The following PROCA1 variants were observed in gnomAD, a reference collection of about 807,000 sequenced individuals.
PROCA1 encodes the protein protein interacting with cyclin A1.
Under a neutral mutation model 23.2 loss-of-function variants are expected in PROCA1, and 22 were observed. The ratio of observed to expected loss-of-function variants is 0.95; its 90% confidence interval spans 0.68 to 1.35. PROCA1 has a LOEUF of 1.35. Among genes scored for constraint, PROCA1 ranks in the 40% most tolerant of loss-of-function variants. The probability of loss-of-function intolerance (pLI) is 0.00; values close to 1 mark genes in which losing one functional copy is unlikely to be tolerated. For synonymous variants in PROCA1, 182 were observed against 179.2 expected, an observed-to-expected ratio of 1.02 and a Z score of -0.12; for missense variants, 469 against 459.8, an observed-to-expected ratio of 1.02 and a Z score of -0.18.
intron 3 of PROCA1, 39 bp from the exon 4 acceptor site, chr17:28,704,474 C>G: frequency 6.3e-7 from 1 of 1,589,960 alleles, no homozygotes; most frequent in African/African-American, 1.3e-5. Context: ...TCCCATCACT[C>G]CCCCAGGGAC....
rs746518553 is a variant in PROCA1 at position 28,704,045 on chromosome 17, C to G, written c.608G>C (p.Ser203Thr). ...GGAGTCAGGGGTACCAGTGGCCATG[C>G]TGGTGCCTAGGTCAGGGGAGGCGGT... ...PATASPDLGT[S>T]MATGTPDSTA... Residue 203 changes from serine to threonine, a missense_variant, in exon 5 of 5, where the codon AGC becomes ACC. Physicochemically the swap from Ser to Thr is moderately conservative, Grantham distance 58. Transcript: ENST00000682792. 2.5e-6 allele frequency: 4 copies of G among 1,610,044 alleles called. No homozygotes were observed. The Admixed American group carries it at 6.7e-5, about 27-fold the overall frequency.
At chr17:28,707,015 G>C (rs1406620898) in intron 1 of PROCA1, 5 of 346,416 alleles carry the variant, frequency 1.4e-5, no homozygotes, top group Non-Finnish European at 2.9e-5. Context: ...ATGCTGACAG[G>C]GAAAGGGTAG....
chr17:28,706,760 AC>A lies in PROCA1; in HGVS notation c.94del (p.Val32Ter). 2.3e-5 allele frequency: 30 copies of A among 1,303,562 alleles called. No homozygotes were observed. Among genetic ancestry groups the A allele is most frequent in the Non-Finnish European group, 3.0e-5 (30 of 988,838 alleles). 80.7% of individuals were successfully genotyped at this position (1,303,562 alleles called of 1,614,324 possible). A position where few individuals can be genotyped will look rare whatever the true frequency, so the allele number is the denominator to read the frequency against. ...RSWDESRCRD[V>X]NRLPSWERGH... ...TCTCTCCCAGCTGGGTAACCTGTTTACATCTGAGAGAGCATAGAGTGGCAGT... is the reference window on the plus strand; with the variant it reads ...TCTCTCCCAGCTGGGTAACCTGTTTAATCTGAGAGAGCATAGAGTGGCAGT... On this transcript the variant is annotated frameshift_variant and splice_region_variant, in exon 2 of 5. Coordinates refer to ENST00000682792, the MANE Select transcript of PROCA1 (RefSeq NM_001366301.1). LOFTEE classifies it high-confidence loss of function.
At position 28,704,106 on chromosome 17, in the gene PROCA1, T is replaced by C. The variant is rs1273495653; in HGVS notation, c.547A>G (p.Ser183Gly). 1.3e-6 allele frequency: 2 copies of C among 1,581,570 alleles called. No individual in the cohort carries two copies. Among genetic ancestry groups the C allele is most frequent in the South Asian group, 2.3e-5 (2 of 86,406 alleles). The part of the protein sequence containing the change: ...NEEEEEEEEE[S>G]KPPIPTQVGP... ...ACCTGTGTCGGGATGGGGGGCTTGC[T>C]TTCCTCCTCCTCCTCTTCCTCTTCT... is the stretch of plus-strand genomic sequence containing the variant. Residue 183 changes from serine (S) to glycine (G), a missense_variant, in exon 5 of 5, where the codon AGC (serine) becomes GGC (glycine). By Grantham distance (56) the Ser-to-Gly change is moderately conservative (BLOSUM62 0). Transcript: ENST00000682792.
In PROCA1 at chr17:28,704,212, C is replaced by T. The variant is rs201929229; in HGVS notation, c.441G>A (p.Trp147Ter). The stretch of plus-strand genomic sequence containing the variant: ...CAGAGACAGGTCTGTAGCTTTTGCA[C>T]CTGGGAGAAGGGACAACGGGGGAAG... ...EEHVERFRYG[W>*]CKSYRPVSVA... is the part of the protein sequence containing the mutation. The change falls in exon 5 of 5, where the codon TGG becomes TGA. Residue 147 changes from tryptophan (W) to a stop codon, truncating the protein, a stop_gained and splice_region_variant. Transcript: ENST00000682792. LOFTEE classifies it low-confidence loss of function (END_TRUNC). 6.4e-7 allele frequency: 1 copy of T among 1,550,550 alleles called. No homozygotes were observed. Among genetic ancestry groups the T allele is most frequent in the African/African-American group, 1.4e-5 (1 of 72,872 alleles).
intron 3 of PROCA1, 99 bp downstream of exon 3, chr17:28,704,609 A>G: frequency 6.3e-7 from 1 of 1,575,276 alleles, no homozygotes; most frequent in Non-Finnish European, 8.6e-7. Flanking sequence ...GGCAGCACCA[A>G]TTCAAAGCTG....
chr17:28,705,592 TG>T, intron 2 of PROCA1: 1 of 152,880 alleles, frequency 6.5e-6, no homozygotes, highest in Non-Finnish European at 1.5e-5. Flanking sequence ...AAGAAGCTGC[TG>T]GGGTGAGAAT....
At chr17:28,710,381 C>T (rs924576690) in intron 1 of PROCA1, among the ~76,000 whole-genome samples, 18 of 151,938 alleles carry the variant, frequency 1.2e-4, no homozygotes, top group Admixed American at 9.8e-4. Context: ...GTGGCGCGCG[C>T]CTGTAATCCC....
chr17:28,711,511 G>C (rs1295369819), intron 1 of PROCA1, 59 bp downstream of exon 1: 3 of 1,432,138 alleles, frequency 2.1e-6, no homozygotes, highest in East Asian at 2.4e-5. Flanking sequence ...CGCGTGCGCC[G>C]CTCGGGGTCT....
In PROCA1 at chr17:28,705,182, G is replaced by T. The variant is rs143504118; in HGVS notation, c.176-339C>A. On this transcript the variant is annotated intron_variant, in intron 2 of 4. Coordinates refer to ENST00000682792, the MANE Select transcript of PROCA1 (RefSeq NM_001366301.1). Reference sequence around the variant, plus strand: ...GAGTGGCAGCCCTGCTCCACAAGGCGCCTGGTAGGAGAAGGCCCTCCTGCT... The same window carrying T: ...GAGTGGCAGCCCTGCTCCACAAGGCTCCTGGTAGGAGAAGGCCCTCCTGCT... 978 of 253,164 alleles carry T rather than the reference G, an allele frequency of 3.9e-3. 8 individuals are homozygous for T. The highest frequency in any genetic ancestry group is 7.4e-3 in the South Asian group (143 of 19,432). 15.7% of individuals were successfully genotyped at this position (253,164 alleles called of 1,614,324 possible). A position where few individuals can be genotyped will look rare whatever the true frequency, so the allele number is the denominator to read the frequency against.
In PROCA1 at chr17:28,703,885, C is replaced by T. The variant is rs1318465911; in HGVS notation, c.768G>A (p.Lys256=). Residue 256 remains lysine, a synonymous_variant, in exon 5 of 5, where the codon AAG becomes AAA. Transcript: ENST00000682792. ...TCAACTGGCCTTTCTTGGCTTTTTT[C>T]TTCAGCTTTGCCTTCTCATCCATCT... is the stretch of plus-strand genomic sequence containing the variant. The part of the protein sequence containing the change: ...KEEMDEKAKL[K]KKAKKGQLTK... 8 of 1,613,982 alleles carry T rather than the reference C, an allele frequency of 5.0e-6. No individual in the cohort carries two copies. In the South Asian group the frequency reaches 8.8e-5, roughly 18 times the overall value.
intron 1 of PROCA1, chr17:28,711,285 G>A (rs1453321525): frequency 6.6e-6 from 4 of 603,452 alleles, no homozygotes; most frequent in East Asian, 3.8e-5. Flanking sequence ...TCCGATAGCC[G>A]AGCGTTCCAG....
intron 1 of PROCA1, among the ~76,000 whole-genome samples, chr17:28,710,504 C>G (rs564056524): frequency 9.3e-6 from 1 of 107,166 alleles, no homozygotes; most frequent in East Asian, 2.8e-4. Context: ...GAGATTCCAT[C>G]TCAAAAAAAA....
chr17:28,710,088 A>G (rs541878706), intron 1 of PROCA1, among the ~76,000 whole-genome samples: 4 of 152,090 alleles, frequency 2.6e-5, no homozygotes, highest in South Asian at 4.2e-4. Flanking sequence ...GTTTTACTCA[A>G]TCTGGACTCC....
chr17:28,708,041 G>A (rs968660984), intron 1 of PROCA1, among the ~76,000 whole-genome samples: 2 of 152,042 alleles, frequency 1.3e-5, no homozygotes, highest in Admixed American at 6.6e-5. Flanking sequence ...ATTGAGTCTC[G>A]CTCTGTCGCC....
intron 1 of PROCA1, among the ~76,000 whole-genome samples, chr17:28,710,560 C>G (rs1253592202): frequency 6.7e-6 from 1 of 149,670 alleles, no homozygotes; most frequent in East Asian, 2.0e-4. Flanking sequence ...CCTGTTTACT[C>G]TCCACTCACT....
intron 1 of PROCA1, among the ~76,000 whole-genome samples, chr17:28,709,321 T>G (rs2032671067): frequency 6.6e-6 from 1 of 151,426 alleles, no homozygotes; most frequent in Non-Finnish European, 1.5e-5. Context: ...AGTGGCGGGA[T>G]CTTGGCTCAC....
chr17:28,704,652 C>T, intron 3 of PROCA1, 56 bp downstream of exon 3: 2 of 1,604,868 alleles, frequency 1.2e-6, no homozygotes, highest in Non-Finnish European at 8.5e-7. Context: ...GGGGAGACCA[C>T]AATGAAAGTT....
intron 1 of PROCA1, among the ~76,000 whole-genome samples, chr17:28,710,350 T>A (rs1422490710): frequency 2.0e-5 from 3 of 149,490 alleles, no homozygotes; most frequent in Non-Finnish European, 4.5e-5. Flanking sequence ...TAAAAAAAAA[T>A]AAAAAAAATA....
Sources: allele counts gnomAD v4.1 joint callset (sites outside exome capture counted in the v4.1 genomes callset), GRCh38; gene constraint gnomAD v4.1.1; transcripts MANE v1.5; gene names NCBI Gene and HGNC (gene_info 2026-07-23, HGNC 2026-07-21).